TAFA5: variants seen among roughly 807,000 people sequenced by gnomAD.
The protein encoded by TAFA5 is TAFA chemokine like family member 5, also known as chemokine-like protein TAFA-5.
A neutral mutation model predicts 15.3 loss-of-function variants in TAFA5; 6 were observed. That is an observed-to-expected ratio of 0.39 (90% CI 0.21 to 0.77). The LOEUF (loss-of-function observed/expected upper bound fraction) is 0.77. TAFA5 is among the 30% of genes least tolerant of loss of function. TAFA5 has a pLI of 0.41. For synonymous variants in TAFA5, 103 were observed against 80.7 expected (o/e 1.28, Z -1.48); for missense variants, 161 against 193.1 (o/e 0.83, Z 0.98).
intron 3 of TAFA5, 64 bp downstream of exon 3, chr22:48,707,908 A>G: frequency 6.4e-7 from 1 of 1,563,140 alleles, no homozygotes; most frequent in South Asian, 1.2e-5. Flanking sequence ...CGGGCCTCCG[A>G]CGCCACCCGG....
In TAFA5 at chr22:48,576,269, C is replaced by T. The variant is rs1330938413; in HGVS notation, c.113-70328C>T. On this transcript the variant is annotated intron_variant, in intron 1 of 3. Coordinates refer to ENST00000402357, the MANE Select transcript of TAFA5 (RefSeq NM_001082967.3). ...CCCCCGCCCGCCCCCTCCGCGGCGC[C>T]CCCCTCCCCCCGCCCGCTCCCCTCC... 5.6e-6 allele frequency: 4 copies of T among 710,260 alleles called. No homozygotes were observed. In the South Asian group the frequency reaches 2.9e-4, roughly 51 times the overall value. 44.0% of individuals were successfully genotyped at this position (710,260 alleles called of 1,614,324 possible).
intron 3 of TAFA5, among the ~76,000 whole-genome samples, chr22:48,722,441 C>G (rs1464748687): frequency 6.6e-6 from 1 of 151,908 alleles, no homozygotes; most frequent in East Asian, 1.9e-4. Context: ...TCATTCTCAG[C>G]AAACTAACAA....
At chr22:48,609,670 T>C (rs1925326573) in intron 1 of TAFA5, among the ~76,000 whole-genome samples, 1 of 152,170 alleles carries the variant, frequency 6.6e-6, no homozygotes, top group Non-Finnish European at 1.5e-5. Flanking sequence ...CCAAGGCTGC[T>C]GTGACCAAGG....
intron 2 of TAFA5, chr22:48,693,505 G>C (rs1305072799): frequency 4.6e-6 from 7 of 1,530,548 alleles, no homozygotes; most frequent in Non-Finnish European, 6.2e-6. Context: ...TGAGGTCCCA[G>C]AGGAGACCAG....
At chr22:48,492,851 T>C (rs1207184571) in intron 1 of TAFA5, among the ~76,000 whole-genome samples, 2 of 152,210 alleles carry the variant, frequency 1.3e-5, no homozygotes, top group Non-Finnish European at 2.9e-5. Flanking sequence ...TTCTCCATTC[T>C]GGTCTGAGGA....
At chr22:48,655,445 G>A (rs9617411) in intron 2 of TAFA5, among the ~76,000 whole-genome samples, 98,382 of 151,884 alleles carry the variant, frequency 0.65, 32,608 homozygotes, top group South Asian at 0.77. Flanking sequence ...AGCGTGTTCA[G>A]TTGTGTGGTG....
At chr22:48,594,501 CCT>C (rs1407477081) in intron 1 of TAFA5, among the ~76,000 whole-genome samples, 1 of 152,206 alleles carries the variant, frequency 6.6e-6, no homozygotes, top group African/African-American at 2.4e-5. Context: ...TGGGCCCCAC[CCT>C]CTCAGGGACA....
intron 1 of TAFA5, among the ~76,000 whole-genome samples, chr22:48,643,199 C>T (rs1926744958): frequency 6.6e-6 from 1 of 152,230 alleles, no homozygotes; most frequent in South Asian, 2.1e-4. Context: ...CGGCCTCCAG[C>T]GCCATGGGAT....
rs557496013 is a variant in TAFA5 at position 48,665,015 on chromosome 22, G to A, written c.262+18269G>A. ...GGCCCTGCAGAGTGTTTCTCAAAGC[G>A]ATTGTATCATGTCACGTGCCATCAG... On this transcript the variant is annotated intron_variant, in intron 2 of 3. Coordinates refer to ENST00000402357, the MANE Select transcript of TAFA5 (RefSeq NM_001082967.3). Among the ~76,000 whole-genome samples, 5 of 152,196 alleles carry A rather than the reference G, an allele frequency of 3.3e-5. No individual in the cohort carries two copies. The East Asian group carries it at 7.7e-4, about 23-fold the overall frequency.
chr22:48,511,489 T>C (rs1483039265), intron 1 of TAFA5, among the ~76,000 whole-genome samples: 1 of 152,130 alleles, frequency 6.6e-6, no homozygotes, highest in East Asian at 1.9e-4. Flanking sequence ...TGTTGGAAAA[T>C]GTCCTTCAGT....
At chr22:48,747,443 A>G (rs906163301) in intron 3 of TAFA5, among the ~76,000 whole-genome samples, 2 of 152,144 alleles carry the variant, frequency 1.3e-5, no homozygotes, top group Admixed American at 1.3e-4. Context: ...GGGATTCGGT[A>G]TGTATTTCCA....
intron 3 of TAFA5, among the ~76,000 whole-genome samples, chr22:48,709,997 G>A (rs150161363): frequency 2.8e-4 from 43 of 152,354 alleles, no homozygotes; most frequent in African/African-American, 9.9e-4. Context: ...TTTAAAGCGA[G>A]CAGCTCAGTG....
intron 1 of TAFA5, among the ~76,000 whole-genome samples, chr22:48,576,860 G>T (rs1387304678): frequency 6.6e-6 from 1 of 151,880 alleles, no homozygotes; most frequent in Non-Finnish European, 1.5e-5. Flanking sequence ...CCCAAGCCGA[G>T]GCTGCCGTTC....
At position 48,550,879 on chromosome 22, in the gene TAFA5, T is replaced by G. The variant is rs1922831875; in HGVS notation, c.112+61175T>G. On this transcript the variant is annotated intron_variant, in intron 1 of 3. Coordinates refer to ENST00000402357, the MANE Select transcript of TAFA5 (RefSeq NM_001082967.3). This position sits in a 1 kb window ranked among gnomAD's most constrained non-coding sequence, Gnocchi z 4.1. ...CATGTGGATCCCTTTCGTTCCTGTG[T>G]CACCTGGGGGTGAGGCAGACATTCC... is the stretch of plus-strand genomic sequence containing the variant. 6.6e-6 allele frequency among the ~76,000 whole-genome samples: 1 copy of G among 152,044 alleles called. No individual in the cohort carries two copies. Among genetic ancestry groups the G allele is most frequent in the Non-Finnish European group, 1.5e-5 (1 of 68,000 alleles).
chr22:48,685,533 T>C (rs1457876451), intron 2 of TAFA5, among the ~76,000 whole-genome samples: 1 of 152,234 alleles, frequency 6.6e-6, no homozygotes, highest in Non-Finnish European at 1.5e-5. Flanking sequence ...GGTATCTTAT[T>C]GCCACAAATT....
intron 1 of TAFA5, among the ~76,000 whole-genome samples, chr22:48,505,162 G>A (rs554409039): frequency 6.6e-5 from 10 of 152,356 alleles, no homozygotes; most frequent in African/African-American, 2.2e-4. Flanking sequence ...GGTCAGAGGA[G>A]AAGCTTGCCT....
chr22:48,652,567 C>T (rs1259061597), intron 2 of TAFA5, among the ~76,000 whole-genome samples: 1 of 152,200 alleles, frequency 6.6e-6, no homozygotes. Context: ...CACTGGCCAC[C>T]CAGCGCCATC....
At chr22:48,553,800 G>A (rs1332420530) in intron 1 of TAFA5, among the ~76,000 whole-genome samples, 1 of 152,164 alleles carries the variant, frequency 6.6e-6, no homozygotes, top group Non-Finnish European at 1.5e-5. Flanking sequence ...TCAGCCTGTG[G>A]CCTCTTTTTG....
At chr22:48,542,402 CGTGT>C (rs139940642) in intron 1 of TAFA5, among the ~76,000 whole-genome samples, 10,312 of 57,730 alleles carry the variant, frequency 0.18, 556 homozygotes, top group African/African-American at 0.25. Context: ...TGTGTGTGTG[CGTGT>C]GTGGCGTGTG....
Sources: gnomAD v4.1 joint callset for allele counts (sites outside exome capture counted in the v4.1 genomes callset) on GRCh38, gnomAD v4.1.1 for gene constraint, Gnocchi (gnomAD v3.1) non-coding constraint, MANE v1.5 for transcripts, NCBI Gene and HGNC (gene_info 2026-07-23, HGNC 2026-07-21) for gene names.